GALNT15: variants seen among roughly 807,000 people sequenced by gnomAD.
GALNT15 encodes polypeptide N-acetylgalactosaminyltransferase 15, also known as UDP-GalNAc transferase T15.
A neutral mutation model predicts 66.8 loss-of-function variants in GALNT15; 67 were observed. The ratio of observed to expected loss-of-function variants is 1.00; its 90% confidence interval spans 0.82 to 1.23. GALNT15 has a LOEUF of 1.23. Ranked by LOEUF, GALNT15 falls within the 50% of genes most tolerant of loss-of-function variation. The pLI, the probability that GALNT15 is intolerant of heterozygous loss-of-function variation, is 0.00. For missense variants in GALNT15, 827 were observed against 804.3 expected, an observed-to-expected ratio of 1.03 and a Z score of -0.34; for synonymous variants, 313 against 311.5, an observed-to-expected ratio of 1.00 and a Z score of -0.05.
At chr3:16,208,936 A>G (rs2063785142) in intron 4 of GALNT15, among the ~76,000 whole-genome samples, 1 of 152,218 alleles carries the variant, frequency 6.6e-6, no homozygotes, top group African/African-American at 2.4e-5. Context: ...TACCACCATT[A>G]TATTGTCATA....
rs769105200 is a variant in GALNT15 at position 16,195,758 on chromosome 3, A to G, written c.540-2A>G. 3 of 1,608,756 alleles carry G rather than the reference A, an allele frequency of 1.9e-6. No individual in the cohort carries two copies. The highest frequency in any genetic ancestry group is 2.6e-6 in the Non-Finnish European group (3 of 1,176,202). ...ATGGCTCTCTGGCTCTCTTCCCTGC[A>G]GGTGTCTGCAGCAGCACCCTCAGGA... On this transcript the variant is annotated splice_acceptor_variant, in intron 1 of 9. Coordinates refer to ENST00000339732, the MANE Select transcript of GALNT15 (RefSeq NM_054110.5). LOFTEE classifies it high-confidence loss of function. This position sits in a 1 kb window ranked among gnomAD's most constrained non-coding sequence, Gnocchi z 4.6.
the GALNT15 span, among the ~76,000 whole-genome samples, chr3:16,239,888 C>T: frequency 6.6e-6 from 1 of 152,192 alleles, no homozygotes; most frequent in Non-Finnish European, 1.5e-5. The surrounding 1 kb of genome is among the most constrained non-coding windows in gnomAD (Gnocchi z 5.2). Flanking sequence ...TTGCTTAAAA[C>T]AATAGTGACA....
chr3:16,188,516 G>A lies in GALNT15; in HGVS notation c.540-7244G>A, dbSNP rs879319390. 9.2e-5 allele frequency among the ~76,000 whole-genome samples: 14 copies of A among 152,044 alleles called. No individual in the cohort carries two copies. The highest frequency in any genetic ancestry group is 1.6e-4 in the Non-Finnish European group (11 of 68,014). On this transcript the variant is annotated intron_variant, in intron 1 of 9. Transcript: ENST00000339732. The surrounding 1 kb of genome is among the most constrained non-coding windows in gnomAD (Gnocchi z 4.6). ...CCTTTTAGGTGGGCCATGTGGTCTC[G>A]GGCTCACTGAAGCACCCACAGGGCA...
Position 16,222,767 on chromosome 3 carries a change from T to C in GALNT15, c.1773+9T>C, listed in dbSNP as rs758852814. 4 of 1,613,674 alleles carry C rather than the reference T, an allele frequency of 2.5e-6. No homozygotes were observed. The African/African-American group carries it at 4.0e-5, about 16-fold the overall frequency. ...ACTGGGACTTCCAGGAGGTGAGTAA[T>C]CTGTTCAGGAAGAGCCTGGTAGTGC... On this transcript the variant is annotated intron_variant, in intron 9 of 9. Transcript: ENST00000339732.
chr3:16,176,592 C>G lies in GALNT15; in HGVS notation c.539+902C>G, dbSNP rs938139994. Among the ~76,000 whole-genome samples the G allele has an allele frequency of 1.6e-4, 25 of 152,210 alleles. No homozygotes were observed. The highest frequency in any genetic ancestry group is 8.8e-5 in the Non-Finnish European group (6 of 68,034). On this transcript the variant is annotated intron_variant, in intron 1 of 9. Transcript: ENST00000339732. This position sits in a 1 kb window ranked among gnomAD's most constrained non-coding sequence, Gnocchi z 5.6. ...GTGCCCAGGGAGATGCTGGCCCATC[C>G]TCCACACCCCCTGCTCCCTTACTGT...
chr3:16,178,780 G>A (rs57782192), intron 1 of GALNT15, among the ~76,000 whole-genome samples: 4,620 of 152,264 alleles, frequency 0.03, 235 homozygotes, highest in African/African-American at 0.11. Context: ...TGCAGTATGC[G>A]GGCCCTGCAC....
At position 16,195,737 on chromosome 3, in the gene GALNT15, C is replaced by T; in HGVS notation, c.540-23C>T. On this transcript the variant is annotated intron_variant, in intron 1 of 9. Coordinates refer to ENST00000339732, the MANE Select transcript of GALNT15 (RefSeq NM_054110.5). The surrounding 1 kb of genome is among the most constrained non-coding windows in gnomAD (Gnocchi z 4.6). ...TCTTGTGGCCTTCTCTTCCCCATGG[C>T]TCTCTGGCTCTCTTCCCTGCAGGTG... 1 of 1,597,710 alleles carries T rather than the reference C, an allele frequency of 6.3e-7. No homozygotes were observed. Among genetic ancestry groups the T allele is most frequent in the South Asian group, 1.1e-5 (1 of 89,892 alleles).
intron 3 of GALNT15, among the ~76,000 whole-genome samples, chr3:16,206,671 TAAAAA>T (rs1170870767): frequency 1.7e-5 from 1 of 60,046 alleles, no homozygotes; most frequent in Non-Finnish European, 3.3e-5. Context: ...AGACTCTGTC[TAAAAA>T]AAAAAAAAAA....
chr3:16,243,586 C>T, the GALNT15 span, among the ~76,000 whole-genome samples: 14 of 152,228 alleles, frequency 9.2e-5, no homozygotes, highest in Admixed American at 9.2e-4. Context: ...AGACCACCCA[C>T]ATGAGGAACC....
At chr3:16,231,246 C>A (rs2064078396), downstream of GALNT15, among the ~76,000 whole-genome samples, 1 of 152,112 alleles carries the variant, frequency 6.6e-6, no homozygotes. This position sits in a 1 kb window ranked among gnomAD's most constrained non-coding sequence, Gnocchi z 4.1. Context: ...ATAGGTGCAG[C>A]AAAGGACCAT....
downstream of GALNT15, chr3:16,232,113 C>A: frequency 1.7e-6 from 1 of 603,450 alleles, no homozygotes; most frequent in Non-Finnish European, 2.6e-6. Flanking sequence ...CAAAATTCTC[C>A]AACCCAAACC....
chr3:16,192,421 T>C (rs1054196202), intron 1 of GALNT15, among the ~76,000 whole-genome samples: 3 of 152,208 alleles, frequency 2.0e-5, no homozygotes, highest in Non-Finnish European at 4.4e-5. Flanking sequence ...CCTATCTCAG[T>C]TGGCAAATAG....
chr3:16,205,596 A>T (rs922546282), intron 3 of GALNT15, among the ~76,000 whole-genome samples: 16 of 152,272 alleles, frequency 1.1e-4, no homozygotes, highest in Non-Finnish European at 2.4e-4. Context: ...GCTCCTTCCA[A>T]GTCAAACGAG....
chr3:16,234,353 A>T (rs1385273945), downstream of GALNT15, among the ~76,000 whole-genome samples: 1 of 152,108 alleles, frequency 6.6e-6, no homozygotes, highest in African/African-American at 2.4e-5. Context: ...AAAGCCAAAG[A>T]AGACTGCTTT....
chr3:16,233,092 A>ATGTTTTTTTTTTTTTTTTTT (rs771943641), downstream of GALNT15, among the ~76,000 whole-genome samples: 3 of 48,072 alleles, frequency 6.2e-5, no homozygotes, highest in Non-Finnish European at 4.2e-5. Context: ...AGGATAATGC[A>ATGTTTTTTTTTTTTTTTTTT]TCTTTTTTTT....
intron 9 of GALNT15, among the ~76,000 whole-genome samples, chr3:16,223,322 G>A (rs190646691): frequency 6.8e-4 from 104 of 152,278 alleles, no homozygotes; most frequent in Middle Eastern, 3.4e-3. Context: ...AGGAATGTCC[G>A]TACTTAAGGA....
the GALNT15 span, among the ~76,000 whole-genome samples, chr3:16,237,674 T>C: frequency 2.6e-5 from 4 of 152,200 alleles, no homozygotes; most frequent in Admixed American, 2.6e-4. This position sits in a 1 kb window ranked among gnomAD's most constrained non-coding sequence, Gnocchi z 4.2. Context: ...CACTCCCCAG[T>C]GTGGGTCATA....
At position 16,181,447 on chromosome 3, in the gene GALNT15, A is replaced by T. The variant is rs1316207041; in HGVS notation, c.539+5757A>T. On this transcript the variant is annotated intron_variant, in intron 1 of 9. Transcript: ENST00000339732. This position sits in a 1 kb window ranked among gnomAD's most constrained non-coding sequence, Gnocchi z 5.9. ...TTCCCCACTTCCTGCCCCAGAGGCCATAATGGGCAAGGGGTCAGAGGGAAG... is the reference window on the plus strand; with the variant it reads ...TTCCCCACTTCCTGCCCCAGAGGCCTTAATGGGCAAGGGGTCAGAGGGAAG... Among the ~76,000 whole-genome samples the T allele has an allele frequency of 6.6e-6, 1 of 152,100 alleles. No individual in the cohort carries two copies. Among genetic ancestry groups the T allele is most frequent in the Non-Finnish European group, 1.5e-5 (1 of 68,018 alleles).
In GALNT15 at chr3:16,219,954, A is replaced by G; in HGVS notation, c.1569A>G (p.Glu523=). The change falls in exon 8 of 10, where the codon GAA becomes GAG. Residue 523 remains glutamate (E), a synonymous_variant. Transcript: ENST00000339732. The surrounding 1 kb of genome is among the most constrained non-coding windows in gnomAD (Gnocchi z 4.3). ...GGCTCTGTGCAGACTGCCAGGCAGA[A>G]GGGGACATCCTGGGCTGTCCCATGG... The part of the protein sequence containing the change: ...GLGLCADCQA[E]GDILGCPMVL... The G allele has an allele frequency of 6.2e-7, 1 of 1,614,234 alleles. No homozygotes were observed.
Sources: gnomAD v4.1 joint callset for allele counts (sites outside exome capture counted in the v4.1 genomes callset) on GRCh38, gnomAD v4.1.1 for gene constraint, Gnocchi (gnomAD v3.1) non-coding constraint, MANE v1.5 for transcripts, NCBI Gene and HGNC (gene_info 2026-07-23, HGNC 2026-07-21) for gene names.